The following NRP2 variants were observed in gnomAD, a reference collection of about 807,000 sequenced individuals.
NRP2 encodes the protein neuropilin 2.
NRP2 carries 52 observed loss-of-function variants against 110.4 expected under a neutral mutation model. That is an observed-to-expected ratio of 0.47 (90% CI 0.38 to 0.59). The LOEUF (loss-of-function observed/expected upper bound fraction) is 0.59, where lower values mean the gene tolerates loss of function less well. Ranked by LOEUF, NRP2 falls within the 20% of genes least tolerant of loss-of-function variation. The probability of loss-of-function intolerance (pLI) is 0.00; values close to 1 mark genes in which losing one functional copy is unlikely to be tolerated. For synonymous variants in NRP2, 508 were observed against 468.9 expected, an observed-to-expected ratio of 1.08 and a Z score of -1.08; for missense variants, 1,049 against 1,203.0, an observed-to-expected ratio of 0.87 and a Z score of 1.89.
chr2:205,698,057 G>C (rs1210647834), intron 2 of NRP2: 4 of 391,194 alleles, frequency 1.0e-5, no homozygotes, highest in Non-Finnish European at 1.9e-5. Flanking sequence ...TGCACTTGGA[G>C]ATCTCCCCAT....
intron 7 of NRP2, 106 bp downstream of exon 7, chr2:205,728,152 C>A: frequency 7.5e-7 from 1 of 1,326,388 alleles, no homozygotes; most frequent in Non-Finnish European, 1.1e-6. Flanking sequence ...CTTGTGTAGT[C>A]AGGCTCAGAT....
intron 13 of NRP2, among the ~76,000 whole-genome samples, chr2:205,765,017 A>G (rs993601916): frequency 1.8e-4 from 27 of 152,228 alleles, no homozygotes; most frequent in African/African-American, 6.0e-4. Flanking sequence ...GCAACTTATA[A>G]TAAGGAGCAC....
chr2:205,780,807 G>A (rs1321532072), intron 15 of NRP2, among the ~76,000 whole-genome samples: 2 of 152,274 alleles, frequency 1.3e-5, no homozygotes, highest in Non-Finnish European at 2.9e-5. Context: ...AAGGAGACAG[G>A]CTTCCGGTTT....
intron 15 of NRP2, among the ~76,000 whole-genome samples, chr2:205,785,988 G>A (rs2058232236): frequency 6.6e-6 from 1 of 152,092 alleles, no homozygotes; most frequent in Non-Finnish European, 1.5e-5. Flanking sequence ...TGTAGCCCAA[G>A]AGATAAAAGC....
At chr2:205,690,542 C>T (rs2056289173) in intron 1 of NRP2, among the ~76,000 whole-genome samples, 1 of 149,702 alleles carries the variant, frequency 6.7e-6, no homozygotes, top group African/African-American at 2.5e-5. Context: ...TCGAGACCAG[C>T]CTGGCCAACA....
At chr2:205,739,928 CT>C (rs1393396603) in intron 7 of NRP2, 1 of 196,744 alleles carries the variant, frequency 5.1e-6, no homozygotes, top group African/African-American at 2.4e-5. Context: ...GTCTGCAACC[CT>C]GACCCTGCCA....
At chr2:205,737,968 G>T (rs2057373848) in intron 7 of NRP2, among the ~76,000 whole-genome samples, 1 of 152,208 alleles carries the variant, frequency 6.6e-6, no homozygotes, top group Admixed American at 6.5e-5. Context: ...CCACACTCAT[G>T]CACACACCGC....
In NRP2 at chr2:205,723,881, C is replaced by A; in HGVS notation, c.761C>A (p.Ala254Glu). Reference sequence around the variant, plus strand: ...TCCCTGACCTTTCACACGGACATGGCGGTGGCCAAGGATGGCTTCTCTGCG... The same window carrying A: ...TCCCTGACCTTTCACACGGACATGGAGGTGGCCAAGGATGGCTTCTCTGCG... ...ILSLTFHTDM[A>E]VAKDGFSARY... Residue 254 changes from alanine to glutamate, a missense_variant, in exon 5 of 17, where the codon GCG becomes GAG. Ala to Glu is a moderately radical substitution (Grantham distance 107). Transcript: ENST00000357785. 1 of 1,614,162 alleles carries A rather than the reference C, an allele frequency of 6.2e-7. No homozygotes were observed. Among genetic ancestry groups the A allele is most frequent in the Non-Finnish European group, 8.5e-7 (1 of 1,180,026 alleles).
At chr2:205,758,489 G>A (rs1036619307) in intron 12 of NRP2, among the ~76,000 whole-genome samples, 2 of 152,136 alleles carry the variant, frequency 1.3e-5, no homozygotes, top group African/African-American at 2.4e-5. Flanking sequence ...GCCGTAAATC[G>A]CCAGGTGAAA....
intron 3 of NRP2, among the ~76,000 whole-genome samples, chr2:205,717,393 G>T (rs1413789649): frequency 6.6e-6 from 1 of 152,202 alleles, no homozygotes. Context: ...AGTTCAGTGT[G>T]AGGGGAACTA....
chr2:205,740,006 C>G, intron 7 of NRP2: 1 of 250,182 alleles, frequency 4.0e-6, no homozygotes, highest in East Asian at 1.0e-4. Context: ...GGGTGCCCCT[C>G]ATCATCTTGT....
intron 2 of NRP2, among the ~76,000 whole-genome samples, chr2:205,705,477 G>A (rs1180284404): frequency 6.6e-6 from 1 of 152,196 alleles, no homozygotes; most frequent in Non-Finnish European, 1.5e-5. Context: ...CTTTTTTTAT[G>A]CCTCTTTTCG....
chr2:205,765,333 G>A, intron 13 of NRP2, 141 bp from the exon 14 acceptor site: 1 of 743,754 alleles, frequency 1.3e-6, no homozygotes, highest in Non-Finnish European at 2.4e-6. Flanking sequence ...GTCAACAGAT[G>A]TGTACCAGGT....
At chr2:205,719,102 G>A (rs1481732277) in intron 3 of NRP2, among the ~76,000 whole-genome samples, 5 of 152,144 alleles carry the variant, frequency 3.3e-5, no homozygotes, top group Admixed American at 2.0e-4. Flanking sequence ...CAAAGTTTAC[G>A]TCATCCACAG....
intron 7 of NRP2, 36 bp from the exon 8 acceptor site, chr2:205,740,483 G>T (rs768285456): frequency 6.2e-7 from 1 of 1,613,296 alleles, no homozygotes; most frequent in Non-Finnish European, 8.5e-7. Flanking sequence ...TACAAACAGG[G>T]GTTTCAATAA....
At chr2:205,712,443 G>A (rs2056817143) in intron 2 of NRP2, among the ~76,000 whole-genome samples, 1 of 152,106 alleles carries the variant, frequency 6.6e-6, no homozygotes, top group Non-Finnish European at 1.5e-5. Flanking sequence ...GTTGGGGTGA[G>A]CTCTGAGTCT....
At chr2:205,755,151 A>G (rs530866938) in intron 12 of NRP2, among the ~76,000 whole-genome samples, 2 of 152,176 alleles carry the variant, frequency 1.3e-5, no homozygotes, top group East Asian at 3.9e-4. Context: ...GAAAGCCCCT[A>G]TGGTTGACCT....
chr2:205,766,987 A>C, intron 15 of NRP2, 184 bp downstream of exon 15: 2 of 637,852 alleles, frequency 3.1e-6, no homozygotes, highest in South Asian at 3.7e-5. Context: ...AAGGGGATTG[A>C]GAGCCTCACT....
chr2:205,728,497 A>G (rs1272979063), intron 7 of NRP2, among the ~76,000 whole-genome samples: 1 of 152,230 alleles, frequency 6.6e-6, no homozygotes, highest in Non-Finnish European at 1.5e-5. Context: ...GTCCTGGAGA[A>G]GAAAAAGGAC....
Sources: allele counts gnomAD v4.1 joint callset (sites outside exome capture counted in the v4.1 genomes callset), GRCh38; gene constraint gnomAD v4.1.1; transcripts MANE v1.5; gene names NCBI Gene and HGNC (gene_info 2026-07-23, HGNC 2026-07-21).